The following ADGRV1 variants were observed in gnomAD, a reference collection of about 807,000 sequenced individuals.
ADGRV1 encodes G-protein coupled receptor 98.
In ADGRV1, 359 loss-of-function variants were observed where a neutral mutation model predicts 596.2. The observed-to-expected ratio is 0.60, with a 90% CI of 0.55 to 0.66. The LOEUF (loss-of-function observed/expected upper bound fraction) is 0.66. Ranked by LOEUF, ADGRV1 falls within the 30% of genes least tolerant of loss-of-function variation. The pLI is 0.00. For synonymous variants in ADGRV1, 2,681 were observed against 2,679.2 expected (o/e 1.00, Z -0.02); for missense variants, 7,274 against 7,575.6 (o/e 0.96, Z 1.48).
chr5:90,725,385 C>T (rs567990270), intron 47 of ADGRV1, among the ~76,000 whole-genome samples, 153 bp downstream of exon 47: 12 of 151,430 alleles, frequency 7.9e-5, no homozygotes, highest in Non-Finnish European at 1.3e-4. Flanking sequence ...TATCTTAATC[C>T]GGGGATATTT....
chr5:90,851,134 T>TGTGTGTGTGTGTGA lies in ADGRV1; in HGVS notation c.17205-2149_17205-2148insTGTGTGTGTGTGAG, dbSNP rs757909771. ...GTGTGTGTGTGTGTGTGTGTGTGTG[T>TGTGTGTGTGTGTGA]GAGAGAGAGAGAGAGAGAGAGAGAG... is the stretch of plus-strand genomic sequence containing the variant. On this transcript the variant is annotated intron_variant, in intron 79 of 89. Transcript: ENST00000405460. Among the ~76,000 whole-genome samples the TGTGTGTGTGTGTGA allele has an allele frequency of 5.6e-4, 46 of 81,508 alleles. No individual in the cohort carries two copies. The East Asian group carries it at 6.0e-3, about 11-fold the overall frequency. 53.5% of individuals were successfully genotyped at this position (81,508 alleles called of 152,430 possible).
intron 49 of ADGRV1, 144 bp from the exon 50 acceptor site, chr5:90,729,498 C>A: frequency 1.6e-6 from 1 of 622,076 alleles, no homozygotes; most frequent in Non-Finnish European, 2.7e-6. Context: ...TGAAGTACTT[C>A]CTATTAACTT....
At chr5:90,935,945 A>T (rs1775648712) in intron 83 of ADGRV1, among the ~76,000 whole-genome samples, 1 of 152,162 alleles carries the variant, frequency 6.6e-6, no homozygotes, top group South Asian at 2.1e-4. Context: ...GCTTGTGAAT[A>T]ATCACTGCAC....
At chr5:90,963,137 G>A (rs746409608) in intron 83 of ADGRV1, among the ~76,000 whole-genome samples, 3 of 152,054 alleles carry the variant, frequency 2.0e-5, no homozygotes, top group African/African-American at 2.4e-5. Context: ...AATTAGAAAG[G>A]CTTGAATTTA....
At chr5:91,147,176 T>TAAAA (rs57619661) in intron 87 of ADGRV1, among the ~76,000 whole-genome samples, 11 of 100,816 alleles carry the variant, frequency 1.1e-4, no homozygotes, top group African/African-American at 3.6e-4. Flanking sequence ...GACCTTGTCT[T>TAAAA]AAAAAAAAAA....
intron 85 of ADGRV1, among the ~76,000 whole-genome samples, chr5:91,035,861 T>TAAAATATATATATATATATAA: frequency 8.3e-5 from 8 of 96,402 alleles, no homozygotes; most frequent in African/African-American, 3.0e-4. Context: ...TATATATATA[T>TAAAATATATATATATATATAA]TATATATATA....
At chr5:91,037,010 C>T (rs181110216) in intron 85 of ADGRV1, among the ~76,000 whole-genome samples, 1 of 152,284 alleles carries the variant, frequency 6.6e-6, no homozygotes, top group East Asian at 1.9e-4. Context: ...TTCATGGATA[C>T]TGACAGATAT....
At chr5:91,080,362 C>T (rs770479382) in intron 86 of ADGRV1, among the ~76,000 whole-genome samples, 118 of 152,160 alleles carry the variant, frequency 7.8e-4, no homozygotes, top group Non-Finnish European at 1.2e-3. Context: ...GGCTTAGAAA[C>T]GTTTTCACAT....
At chr5:91,082,902 AG>A (rs1321075408) in intron 86 of ADGRV1, among the ~76,000 whole-genome samples, 2 of 152,194 alleles carry the variant, frequency 1.3e-5, no homozygotes, top group Non-Finnish European at 2.9e-5. Flanking sequence ...TTTATGATTC[AG>A]TGCCTACATA....
intron 50 of ADGRV1, among the ~76,000 whole-genome samples, chr5:90,734,135 A>C (rs1752912614): frequency 6.6e-6 from 1 of 152,190 alleles, no homozygotes; most frequent in Non-Finnish European, 1.5e-5. Context: ...TCCATCGCGT[A>C]TATATACCAC....
At position 90,810,980 on chromosome 5, in the gene ADGRV1, T is replaced by C; in HGVS notation, c.15720T>C (p.Thr5240=). The stretch of plus-strand genomic sequence containing the variant: ...AGATGAAGAATGGCACATTCAACAC[T>C]GCAGAAGTTCTTATCCGAAGAACTG... ...EEEMKNGTFN[T]AEVLIRRTGG... Residue 5240 remains threonine (T), a synonymous_variant, in exon 74 of 90, where the codon ACT becomes ACC. Coordinates refer to ENST00000405460, the MANE Select transcript of ADGRV1 (RefSeq NM_032119.4). 1.2e-6 allele frequency: 2 copies of C among 1,614,040 alleles called. No individual in the cohort carries two copies. Among genetic ancestry groups the C allele is most frequent in the East Asian group, 4.5e-5 (2 of 44,888 alleles).
intron 85 of ADGRV1, among the ~76,000 whole-genome samples, chr5:91,025,351 T>A (rs77109960): frequency 1.3e-5 from 2 of 150,578 alleles, no homozygotes; most frequent in Admixed American, 1.3e-4. Context: ...TTTTTTTTTT[T>A]AGGCCATGTC....
chr5:90,591,713 T>C (rs1034514926), intron 1 of ADGRV1, among the ~76,000 whole-genome samples: 1 of 152,212 alleles, frequency 6.6e-6, no homozygotes, highest in African/African-American at 2.4e-5. Flanking sequence ...ACTTTGAACC[T>C]GAAGTCCCAC....
intron 58 of ADGRV1, 75 bp from the exon 59 acceptor site, chr5:90,763,230 A>T: frequency 8.5e-7 from 1 of 1,177,278 alleles, no homozygotes; most frequent in Non-Finnish European, 1.1e-6. Context: ...TGTAAACAGA[A>T]ATAAGATTCT....
chr5:91,131,198 G>A (rs1360659098), intron 87 of ADGRV1, among the ~76,000 whole-genome samples: 1 of 152,204 alleles, frequency 6.6e-6, no homozygotes, highest in Non-Finnish European at 1.5e-5. Flanking sequence ...TCTCCAAACT[G>A]CTTTCCACAG....
intron 85 of ADGRV1, among the ~76,000 whole-genome samples, chr5:91,033,305 G>A (rs1784624074): frequency 6.6e-6 from 1 of 152,002 alleles, no homozygotes; most frequent in Non-Finnish European, 1.5e-5. Context: ...TTTATTATAA[G>A]CATGGCTAGA....
intron 83 of ADGRV1, among the ~76,000 whole-genome samples, chr5:90,944,114 C>A (rs994447776): frequency 7.9e-5 from 12 of 152,140 alleles, no homozygotes; most frequent in Admixed American, 1.3e-4. Flanking sequence ...TTTCTATATA[C>A]TCAATGCCTG....
chr5:90,659,754 C>A (rs530462926), intron 21 of ADGRV1, among the ~76,000 whole-genome samples: 1 of 152,220 alleles, frequency 6.6e-6, no homozygotes, highest in African/African-American at 2.4e-5. Context: ...AGAAACAGGC[C>A]GGGCGCGGTG....
Position 90,617,893 on chromosome 5 carries a change from A to C in ADGRV1, c.297A>C (p.Ala99=). The C allele has an allele frequency of 6.3e-7, 1 of 1,596,506 alleles. No individual in the cohort carries two copies. Among genetic ancestry groups the C allele is most frequent in the Non-Finnish European group, 8.5e-7 (1 of 1,170,266 alleles). ...AGETNRTVYI[A]VCDDDLPEPD... The stretch of plus-strand genomic sequence containing the variant: ...AAACAAACAGAACAGTGTACATAGC[A>C]GTATGTGATGATGACTTACCAGAGC... Residue 99 remains alanine (A), a synonymous_variant, in exon 3 of 90, where the codon GCA becomes GCC. Coordinates refer to ENST00000405460, the MANE Select transcript of ADGRV1 (RefSeq NM_032119.4).
Sources: allele counts gnomAD v4.1 joint callset (sites outside exome capture counted in the v4.1 genomes callset), GRCh38; gene constraint gnomAD v4.1.1; transcripts MANE v1.5; gene names NCBI Gene and HGNC (gene_info 2026-07-23, HGNC 2026-07-21).